Variants in WEE1 observed in about 807,000 individuals in gnomAD.
The protein encoded by WEE1 is WEE1 G2 checkpoint kinase, also known as wee1-like protein kinase.
In WEE1, 16 loss-of-function variants were observed where a neutral mutation model predicts 68.8. That is an observed-to-expected ratio of 0.23 (90% CI 0.16 to 0.35). The LOEUF is 0.35. Among genes scored for constraint, WEE1 ranks in the 10% least tolerant of loss-of-function variants. The pLI, the probability that WEE1 is intolerant of heterozygous loss-of-function variation, is 1.00. For missense variants in WEE1, 651 were observed against 824.1 expected, an observed-to-expected ratio of 0.79 and a Z score of 2.57; for synonymous variants, 349 against 318.7, an observed-to-expected ratio of 1.09 and a Z score of -1.01.
Position 9,588,773 on chromosome 11 carries a change from A to C in WEE1, c.*171A>C. 1 of 1,265,602 alleles carries C rather than the reference A, an allele frequency of 7.9e-7. No individual in the cohort carries two copies. Among genetic ancestry groups the C allele is most frequent in the South Asian group, 2.2e-5 (1 of 44,586 alleles). The allele number at this position is 1,265,602 out of a possible 1,614,324, so 78.4% of individuals were successfully genotyped here. On this transcript the variant is annotated 3_prime_UTR_variant, in exon 11 of 11. Transcript: ENST00000450114. ...GCTGTATTTTGATGATTGCTATGTC[A>C]GGCTTTCATCTAATCTTACCAGTCT...
In WEE1 at chr11:9,576,200, A is replaced by G; in HGVS notation, c.783-30A>G. ...AATGGCATGGATGTATCTGTCAGAT[A>G]TATTGATAGAAAAATAACATTTTTT... On this transcript the variant is annotated intron_variant, in intron 2 of 10. Coordinates refer to ENST00000450114, the MANE Select transcript of WEE1 (RefSeq NM_003390.4). This position sits in a 1 kb window ranked among gnomAD's most constrained non-coding sequence, Gnocchi z 4.3. The G allele has an allele frequency of 6.4e-7, 1 of 1,563,046 alleles. No individual in the cohort carries two copies. The highest frequency in any genetic ancestry group is 1.2e-5 in the South Asian group (1 of 86,642).
chr11:9,573,986 C>A lies in WEE1; in HGVS notation c.53C>A (p.Ala18Asp). The A allele has an allele frequency of 1.6e-6, 2 of 1,289,954 alleles. No individual in the cohort carries two copies. The highest frequency in any genetic ancestry group is 1.6e-5 in the African/African-American group (1 of 64,502). 79.9% of individuals were successfully genotyped at this position (1,289,954 alleles called of 1,614,324 possible). A position where few individuals can be genotyped will look rare whatever the true frequency, so the allele number is the denominator to read the frequency against. Residue 18 changes from alanine to aspartate, a missense_variant, in exon 1 of 11, where the codon GCC becomes GAC. Ala to Asp is a moderately radical substitution (Grantham distance 126, BLOSUM62 -2). Coordinates refer to ENST00000450114, the MANE Select transcript of WEE1 (RefSeq NM_003390.4). ...CCGCCACCCCGCCGCGCCGGGGCGG[C>A]CTGCACCTTGCGGCAGAAGCTGATC... ...QPPPPRRAGA[A>D]CTLRQKLIFS...
intron 6 of WEE1, among the ~76,000 whole-genome samples, chr11:9,583,885 G>A (rs1204709235): frequency 9.5e-5 from 13 of 137,098 alleles, no homozygotes; most frequent in Non-Finnish European, 1.7e-4. Flanking sequence ...TTGCTCTGTT[G>A]CCCAGGCTGG....
Position 9,574,062 on chromosome 11 carries a change from G to C in WEE1, c.129G>C (p.Glu43Asp). ...AGGAGGAAGAAGAGGAGGAGGAGGA[G>C]GGCAGCGGCCACAGCACCGGGGAGG... ...CEEEEEEEEE[E>D]GSGHSTGEDS... The change falls in exon 1 of 11, where the codon GAG becomes GAC. Residue 43 changes from glutamate (E) to aspartate (D), a missense_variant. Coordinates refer to ENST00000450114, the MANE Select transcript of WEE1 (RefSeq NM_003390.4). This position sits in a 1 kb window ranked among gnomAD's most constrained non-coding sequence, Gnocchi z 4.9. 1 of 1,248,528 alleles carries C rather than the reference G, an allele frequency of 8.0e-7. No homozygotes were observed. The highest frequency in any genetic ancestry group is 3.1e-5 in the South Asian group (1 of 32,096). 77.3% of individuals were successfully genotyped at this position (1,248,528 alleles called of 1,614,324 possible). A position where few individuals can be genotyped will look rare whatever the true frequency, so the allele number is the denominator to read the frequency against.
intron 1 of WEE1, 99 bp from the exon 2 acceptor site, chr11:9,575,789 C>T (rs921003033): frequency 7.3e-6 from 7 of 960,824 alleles, no homozygotes; most frequent in Non-Finnish European, 1.1e-5. Context: ...CTTTCACCTA[C>T]GCATTCAGCC....
Position 9,574,295 on chromosome 11 carries a change from C to A in WEE1, c.362C>A (p.Ser121Tyr). The A allele has an allele frequency of 7.9e-7, 1 of 1,260,630 alleles. No homozygotes were observed. Among genetic ancestry groups the A allele is most frequent in the Non-Finnish European group, 1.0e-6 (1 of 1,002,574 alleles). The allele number at this position is 1,260,630 out of a possible 1,614,324, so 78.1% of individuals were successfully genotyped here. A position where few individuals can be genotyped will look rare whatever the true frequency, so the allele number is the denominator to read the frequency against. ...GDSWEEEGFG[S>Y]SSPVKSPAAP... ...TCGTGGGAGGAGGAGGGCTTCGGCT[C>A]CTCGTCGCCGGTCAAGTCGCCGGCG... Residue 121 changes from serine (S) to tyrosine (Y), a missense_variant, in exon 1 of 11, where the codon TCC becomes TAC. Coordinates refer to ENST00000450114, the MANE Select transcript of WEE1 (RefSeq NM_003390.4). This position sits in a 1 kb window ranked among gnomAD's most constrained non-coding sequence, Gnocchi z 4.9.
Position 9,586,346 on chromosome 11 carries a change from C to A in WEE1, c.1471-103C>A, listed in dbSNP as rs916557675. 13 of 1,057,764 alleles carry A rather than the reference C, an allele frequency of 1.2e-5. No homozygotes were observed. In the African/African-American group the frequency reaches 1.3e-4, roughly 10 times the overall value. 65.5% of individuals were successfully genotyped at this position (1,057,764 alleles called of 1,614,324 possible). On this transcript the variant is annotated intron_variant, in intron 8 of 10. Coordinates refer to ENST00000450114, the MANE Select transcript of WEE1 (RefSeq NM_003390.4). The stretch of plus-strand genomic sequence containing the variant: ...CCAAACTTAAATGTGGTATTAGACA[C>A]TTTGATTAAGTCCTATTTTTCACCT...
Position 9,574,441 on chromosome 11 carries a change from C to T in WEE1, c.508C>T (p.His170Tyr). 1 of 1,223,758 alleles carries T rather than the reference C, an allele frequency of 8.2e-7. No homozygotes were observed. Among genetic ancestry groups the T allele is most frequent in the Non-Finnish European group, 1.0e-6 (1 of 987,474 alleles). 75.8% of individuals were successfully genotyped at this position (1,223,758 alleles called of 1,614,324 possible). ...AGGCCGCCGCTCGCCGCGGCCGGAC[C>T]ACCCGGGCACCCCGCCACACAAGAC... Reference protein sequence around the residue: ...GEGRRSPRPDHPGTPPHKTFR... With the variant: ...GEGRRSPRPDYPGTPPHKTFR... The change falls in exon 1 of 11, where the codon CAC becomes TAC. Residue 170 changes from histidine (H) to tyrosine (Y), a missense_variant. Around this residue, in one of 5 missense-constraint regions of WEE1, gnomAD observed 395 missense variants for 378.4 expected, o/e 1.04. Transcript: ENST00000450114. The surrounding 1 kb of genome is among the most constrained non-coding windows in gnomAD (Gnocchi z 4.9).
At position 9,574,611 on chromosome 11, in the gene WEE1, C is replaced by A. The variant is rs907459775; in HGVS notation, c.576+102C>A. 8.0e-6 allele frequency: 9 copies of A among 1,121,936 alleles called. No homozygotes were observed. Among genetic ancestry groups the A allele is most frequent in the South Asian group, 4.4e-5 (1 of 22,898 alleles). 69.5% of individuals were successfully genotyped at this position (1,121,936 alleles called of 1,614,324 possible). The stretch of plus-strand genomic sequence containing the variant: ...TTACAGAAGCGGCCGGCCGCTCCCC[C>A]CTCGCTTTCCTGCGCCGCCCCCCAA... On this transcript the variant is annotated intron_variant, in intron 1 of 10. Coordinates refer to ENST00000450114, the MANE Select transcript of WEE1 (RefSeq NM_003390.4). This position sits in a 1 kb window ranked among gnomAD's most constrained non-coding sequence, Gnocchi z 4.9.
At chr11:9,586,139 G>A (rs539174692) in intron 8 of WEE1, among the ~76,000 whole-genome samples, 2 of 152,286 alleles carry the variant, frequency 1.3e-5, no homozygotes, top group African/African-American at 4.8e-5. Context: ...TACGTGTTTT[G>A]TGTTTGCATA....
intron 6 of WEE1, among the ~76,000 whole-genome samples, chr11:9,583,802 C>CATATATATATAT (rs371859938): frequency 3.4e-4 from 6 of 17,866 alleles, no homozygotes; most frequent in Non-Finnish European, 4.9e-4. Flanking sequence ...CACACACACA[C>CATATATATATAT]ATATATATAT....
At position 9,573,976 on chromosome 11, in the gene WEE1, G is replaced by T. The variant is rs1331216603; in HGVS notation, c.43G>T (p.Ala15Ser). ...SRQQPPPPRR[A>S]GAACTLRQKL... is the part of the protein sequence containing the mutation. ...ACAGCAGCCGCCGCCACCCCGCCGC[G>T]CCGGGGCGGCCTGCACCTTGCGGCA... The change falls in exon 1 of 11, where the codon GCC becomes TCC. Residue 15 changes from alanine to serine, a missense_variant. Ala to Ser is a moderately conservative substitution (Grantham distance 99). This residue lies in a region of WEE1 where 395 missense variants were observed against 378.4 expected (regional missense o/e 1.04). Transcript: ENST00000450114. 6 of 1,293,570 alleles carry T rather than the reference G, an allele frequency of 4.6e-6. No individual in the cohort carries two copies. In the African/African-American group the frequency reaches 9.3e-5, roughly 20 times the overall value. 80.1% of individuals were successfully genotyped at this position (1,293,570 alleles called of 1,614,324 possible).
intron 6 of WEE1, among the ~76,000 whole-genome samples, chr11:9,582,065 C>A (rs1157514863): frequency 6.6e-6 from 1 of 152,186 alleles, no homozygotes; most frequent in Non-Finnish European, 1.5e-5. Context: ...ATTTTTGCTG[C>A]ATCTTACAGG....
intron 10 of WEE1, among the ~76,000 whole-genome samples, chr11:9,587,295 T>C (rs947869718): frequency 1.3e-5 from 2 of 152,190 alleles, no homozygotes; most frequent in Non-Finnish European, 2.9e-5. Flanking sequence ...CGGTGAAAGC[T>C]TGGGGACTTC....
At position 9,588,858 on chromosome 11, in the gene WEE1, G is replaced by A. The variant is rs1849731366; in HGVS notation, c.*256G>A. The A allele has an allele frequency of 9.3e-7, 1 of 1,072,460 alleles. No individual in the cohort carries two copies. Among genetic ancestry groups the A allele is most frequent in the Non-Finnish European group, 1.1e-6 (1 of 884,472 alleles). The allele number at this position is 1,072,460 out of a possible 1,614,324, so 66.4% of individuals were successfully genotyped here. A position where few individuals can be genotyped will look rare whatever the true frequency, so the allele number is the denominator to read the frequency against. On this transcript the variant is annotated 3_prime_UTR_variant, in exon 11 of 11. Transcript: ENST00000450114. ...ACCAGCCTTTCCAGGGTTAACCACT[G>A]TGGTGGTGTGCTGCTTATAGTTTGC...
In WEE1 at chr11:9,581,527, G is replaced by GT; in HGVS notation, c.1142-3dup. The stretch of plus-strand genomic sequence containing the variant: ...GAAAATGCTAATATTTTCTATCTTT[G>GT]TTAGGTGGAAGTTTAGCTGATGCTA... On this transcript the variant is annotated splice_polypyrimidine_tract_variant and splice_region_variant and intron_variant, in intron 5 of 10. Coordinates refer to ENST00000450114, the MANE Select transcript of WEE1 (RefSeq NM_003390.4). 1 of 1,586,516 alleles carries GT rather than the reference G, an allele frequency of 6.3e-7. No homozygotes were observed. The highest frequency in any genetic ancestry group is 1.4e-5 in the African/African-American group (1 of 73,170).
chr11:9,577,426 C>G (rs1849576153), intron 5 of WEE1, 163 bp downstream of exon 5: 2 of 796,020 alleles, frequency 2.5e-6, no homozygotes, highest in Non-Finnish European at 3.9e-6. Flanking sequence ...AAACCTTGTC[C>G]TTTCTGAAGC....
chr11:9,584,892 T>C (rs1338950979), intron 6 of WEE1, among the ~76,000 whole-genome samples: 1 of 152,090 alleles, frequency 6.6e-6, no homozygotes, highest in Non-Finnish European at 1.5e-5. Context: ...CTGGCCAACA[T>C]AGTGAAACCC....
intron 10 of WEE1, 37 bp downstream of exon 10, chr11:9,586,893 A>T (rs367801509): frequency 7.5e-5 from 117 of 1,554,268 alleles, no homozygotes; most frequent in Non-Finnish European, 9.9e-5. Flanking sequence ...TTGCTTTTTC[A>T]TTCACTTTAA....
Sources: allele counts gnomAD v4.1 joint callset (sites outside exome capture counted in the v4.1 genomes callset), GRCh38; gene constraint gnomAD v4.1.1; regional missense constraint gnomAD v4.1.1; non-coding constraint Gnocchi (gnomAD v3.1); transcripts MANE v1.5; gene names NCBI Gene and HGNC (gene_info 2026-07-23, HGNC 2026-07-21).